The following DNAH14 variants were observed in gnomAD, a reference collection of about 807,000 sequenced individuals.
DNAH14 encodes the protein dynein axonemal heavy chain 14, also known as axonemal beta dynein heavy chain 14.
DNAH14 carries 478 observed loss-of-function variants against 520.9 expected under a neutral mutation model. The ratio of observed to expected loss-of-function variants is 0.92; its 90% CI spans 0.85 to 0.99. The LOEUF (loss-of-function observed/expected upper bound fraction) is 0.99, where lower values mean the gene tolerates loss of function less well. DNAH14 is among the 50% of genes least tolerant of loss of function. The pLI, the probability that DNAH14 is intolerant of heterozygous loss-of-function variation, is 0.00. For missense variants in DNAH14, 4,831 were observed against 5,234.5 expected (o/e 0.92, Z 2.38); for synonymous variants, 1,581 against 1,757.2 (o/e 0.90, Z 2.51).
chr1:225,140,974 T>G lies in DNAH14; in HGVS notation c.4461T>G (p.Asn1487Lys). 1 of 1,550,932 alleles carries G rather than the reference T, an allele frequency of 6.4e-7. No individual in the cohort carries two copies. Among genetic ancestry groups the G allele is most frequent in the Non-Finnish European group, 8.7e-7 (1 of 1,146,648 alleles). The part of the protein sequence containing the change: ...LYVHCRDIVI[N>K]LLLKNIFNAE... ...TTCACTGCAGAGATATAGTGATAAA[T>G]TTACTACTTAAAAATATCTTCAATG... Residue 1487 changes from asparagine (N) to lysine (K), a missense_variant, in exon 28 of 86, where the codon AAT becomes AAG. Asn to Lys is a moderately conservative substitution (Grantham distance 94). Coordinates refer to ENST00000682510, the MANE Select transcript of DNAH14 (RefSeq NM_001367479.1).
chr1:225,061,961 C>G (rs1055369468), intron 17 of DNAH14, among the ~76,000 whole-genome samples: 1 of 152,142 alleles, frequency 6.6e-6, no homozygotes, highest in South Asian at 2.1e-4. Context: ...GAAACAAAGA[C>G]TGGACTTAAC....
chr1:225,355,486 T>C (rs1280847753), intron 73 of DNAH14, among the ~76,000 whole-genome samples: 2 of 152,050 alleles, frequency 1.3e-5, no homozygotes, highest in African/African-American at 4.8e-5. Context: ...ATAAGGGACC[T>C]AATCTCACCC....
intron 54 of DNAH14, among the ~76,000 whole-genome samples, chr1:225,287,153 A>G (rs993540703): frequency 5.9e-5 from 9 of 152,188 alleles, no homozygotes; most frequent in African/African-American, 9.7e-5. Context: ...GACACTATAT[A>G]TTTGTCAAAG....
At chr1:224,953,695 A>G (rs2060327697) in intron 2 of DNAH14, among the ~76,000 whole-genome samples, 1 of 152,206 alleles carries the variant, frequency 6.6e-6, no homozygotes, top group Non-Finnish European at 1.5e-5. Flanking sequence ...TTGAGTGGGC[A>G]TGTTCAATAA....
intron 58 of DNAH14, among the ~76,000 whole-genome samples, chr1:225,305,748 G>A (rs557371479): frequency 6.6e-6 from 1 of 152,166 alleles, no homozygotes; most frequent in East Asian, 1.9e-4. Context: ...GGGCTGCCGA[G>A]GCACCATGGT....
At chr1:225,139,910 G>A (rs16844324) in intron 27 of DNAH14, among the ~76,000 whole-genome samples, 12,466 of 152,160 alleles carry the variant, frequency 0.082, 1,649 homozygotes, top group African/African-American at 0.28. Context: ...GCATCCTTTT[G>A]ATCTGCTCAT....
chr1:224,975,404 G>A (rs1413142299), intron 8 of DNAH14, among the ~76,000 whole-genome samples: 2 of 151,794 alleles, frequency 1.3e-5, no homozygotes, highest in African/African-American at 4.8e-5. Context: ...CAATTTCAGA[G>A]CCTGTTATTG....
intron 35 of DNAH14, 69 bp downstream of exon 35, chr1:225,159,554 G>T (rs1310349833): frequency 7.4e-7 from 1 of 1,345,894 alleles, no homozygotes; most frequent in Admixed American, 3.0e-5. Context: ...ACTAGATGTG[G>T]ATTAAAAATA....
intron 46 of DNAH14, among the ~76,000 whole-genome samples, chr1:225,262,256 G>A (rs920277970): frequency 6.6e-6 from 1 of 151,550 alleles, no homozygotes; most frequent in Non-Finnish European, 1.5e-5. Flanking sequence ...TTTGTCAGAT[G>A]CATAGTTTGC....
intron 15 of DNAH14, among the ~76,000 whole-genome samples, chr1:225,046,141 G>A (rs1013326693): frequency 2.0e-5 from 3 of 151,176 alleles, no homozygotes; most frequent in Admixed American, 1.3e-4. Context: ...ACATAGGTAT[G>A]TATATATGTG....
intron 10 of DNAH14, among the ~76,000 whole-genome samples, chr1:225,021,235 G>A (rs1282704674): frequency 2.6e-5 from 4 of 152,056 alleles, no homozygotes; most frequent in Admixed American, 6.6e-5. Flanking sequence ...CTGATAACTG[G>A]AACAAGAGAA....
intron 49 of DNAH14, among the ~76,000 whole-genome samples, chr1:225,268,801 A>G (rs1393538594): frequency 6.6e-6 from 1 of 152,204 alleles, no homozygotes; most frequent in Non-Finnish European, 1.5e-5. Flanking sequence ...AAGGAGAACT[A>G]CAAACCACTG....
rs1029489510 is a variant in DNAH14 at position 225,322,563 on chromosome 1, A to C, written c.9336-101A>C. The C allele has an allele frequency of 1.5e-5, 18 of 1,170,458 alleles. No individual in the cohort carries two copies. The Admixed American group carries it at 4.1e-4, about 26-fold the overall frequency. 72.5% of individuals were successfully genotyped at this position (1,170,458 alleles called of 1,614,324 possible). A position where few individuals can be genotyped will look rare whatever the true frequency, so the allele number is the denominator to read the frequency against. On this transcript the variant is annotated intron_variant, in intron 61 of 85. Transcript: ENST00000682510. Reference sequence around the variant, plus strand: ...GTTGACAAATAGTTTTCCTTATCCAAATGTGTGTTAAAAATCTGTGTATAT... The same window carrying C: ...GTTGACAAATAGTTTTCCTTATCCACATGTGTGTTAAAAATCTGTGTATAT...
chr1:225,170,744 G>C (rs1559168316), intron 36 of DNAH14, among the ~76,000 whole-genome samples: 1 of 152,120 alleles, frequency 6.6e-6, no homozygotes, highest in Non-Finnish European at 1.5e-5. Context: ...TCCACGAATT[G>C]AATTGAGCTC....
At chr1:225,392,890 A>G (rs185200797) in intron 84 of DNAH14, among the ~76,000 whole-genome samples, 1 of 152,286 alleles carries the variant, frequency 6.6e-6, no homozygotes, top group Non-Finnish European at 1.5e-5. Flanking sequence ...TCAGCGGTGC[A>G]GTGAGGGGGA....
chr1:225,216,208 A>G (rs1299173624), intron 41 of DNAH14, among the ~76,000 whole-genome samples: 1 of 152,084 alleles, frequency 6.6e-6, no homozygotes, highest in Non-Finnish European at 1.5e-5. Flanking sequence ...TCCTTTAAGA[A>G]TGTTGAATAT....
intron 58 of DNAH14, among the ~76,000 whole-genome samples, chr1:225,305,743 G>A (rs2094226387): frequency 6.6e-6 from 1 of 152,202 alleles, no homozygotes; most frequent in South Asian, 2.1e-4. Flanking sequence ...ATGAAGGGCT[G>A]CCGAGGCACC....
intron 8 of DNAH14, among the ~76,000 whole-genome samples, chr1:224,987,929 G>C (rs181190536): frequency 1.8e-3 from 267 of 152,258 alleles, no homozygotes; most frequent in Non-Finnish European, 2.9e-3. Flanking sequence ...TGGGGTACAT[G>C]TGCAGGACGT....
intron 41 of DNAH14, among the ~76,000 whole-genome samples, chr1:225,213,457 G>C (rs1028467375): frequency 1.3e-5 from 2 of 152,204 alleles, no homozygotes; most frequent in Admixed American, 1.3e-4. Flanking sequence ...GTGATTGGTA[G>C]CTTGAAGAGG....
Sources: allele counts gnomAD v4.1 joint callset (sites outside exome capture counted in the v4.1 genomes callset), GRCh38; gene constraint gnomAD v4.1.1; transcripts MANE v1.5; gene names NCBI Gene and HGNC (gene_info 2026-07-23, HGNC 2026-07-21).